AP1S3: variants seen among roughly 807,000 people sequenced by gnomAD.
AP1S3 encodes the protein AP-1 complex subunit sigma-3.
Under a neutral mutation model 20.9 loss-of-function variants are expected in AP1S3, and 10 were observed. That is an observed-to-expected ratio of 0.48 (90% confidence interval 0.29 to 0.81). AP1S3 has a LOEUF of 0.81. Ranked by LOEUF, AP1S3 falls within the 30% of genes least tolerant of loss-of-function variation. AP1S3 has a pLI of 0.08. For synonymous variants in AP1S3, 41 were observed against 61.5 expected (o/e 0.67, Z 1.56); for missense variants, 154 against 183.8 (o/e 0.84, Z 0.94).
chr2:223,783,876 T>C (rs1691014823), intron 1 of AP1S3, among the ~76,000 whole-genome samples: 1 of 152,188 alleles, frequency 6.6e-6, no homozygotes, highest in African/African-American at 2.4e-5. Flanking sequence ...CCTGTTACAG[T>C]ATGTTTAGGG....
At chr2:223,784,865 A>G (rs1041571472) in intron 1 of AP1S3, among the ~76,000 whole-genome samples, 2 of 152,078 alleles carry the variant, frequency 1.3e-5, no homozygotes, top group African/African-American at 2.4e-5. Context: ...AAAAATAAAT[A>G]AAATATTTCT....
Position 223,783,031 on chromosome 2 carries a change from G to C in AP1S3, c.4-5162C>G, listed in dbSNP as rs554943493. On this transcript the variant is annotated intron_variant, in intron 1 of 4. Transcript: ENST00000396654. ...CCATTTTTGATTAATATTCGCTTGAGAGTAGGAAAAAAAAGGCATGGGAAG... is the reference window on the plus strand; with the variant it reads ...CCATTTTTGATTAATATTCGCTTGACAGTAGGAAAAAAAAGGCATGGGAAG... Among the ~76,000 whole-genome samples, 7 of 152,146 alleles carry C rather than the reference G, an allele frequency of 4.6e-5. No homozygotes were observed. The South Asian group carries it at 1.2e-3, about 27-fold the overall frequency.
chr2:223,766,677 C>T (rs1342367656), intron 3 of AP1S3, among the ~76,000 whole-genome samples: 1 of 152,158 alleles, frequency 6.6e-6, no homozygotes, highest in African/African-American at 2.4e-5. Context: ...GCCAGAAATA[C>T]CATTTGACCC....
intron 3 of AP1S3, among the ~76,000 whole-genome samples, chr2:223,774,532 C>A (rs1188622236): frequency 6.6e-6 from 1 of 151,812 alleles, no homozygotes; most frequent in Non-Finnish European, 1.5e-5. Context: ...TGAAGGAATG[C>A]CACACCTATA....
At chr2:223,776,705 T>C (rs1690792797) in intron 2 of AP1S3, among the ~76,000 whole-genome samples, 2 of 152,174 alleles carry the variant, frequency 1.3e-5, no homozygotes, top group South Asian at 4.1e-4. Flanking sequence ...ATGTTACCTC[T>C]CAGGCTTAGT....
chr2:223,807,649 T>A (rs1007215563), intron 1 of AP1S3, among the ~76,000 whole-genome samples: 3 of 152,068 alleles, frequency 2.0e-5, no homozygotes, highest in African/African-American at 7.2e-5. Context: ...GAGGAAGTTA[T>A]CACGAGATCT....
At chr2:223,770,265 GCGTAGAC>G (rs772173561) in intron 3 of AP1S3, 1 of 1,550,592 alleles carries the variant, frequency 6.4e-7, no homozygotes, top group South Asian at 1.2e-5. Context: ...TTCAAGGCAG[GCGTAGAC>G]CAGGAATCCA....
chr2:223,811,451 C>T (rs1691724667), intron 1 of AP1S3, among the ~76,000 whole-genome samples: 2 of 151,880 alleles, frequency 1.3e-5, no homozygotes, highest in South Asian at 4.2e-4. Flanking sequence ...CACCTGTCAT[C>T]CCAGCTACTC....
At chr2:223,766,229 C>G (rs945232407) in intron 3 of AP1S3, among the ~76,000 whole-genome samples, 1 of 152,172 alleles carries the variant, frequency 6.6e-6, no homozygotes, top group Non-Finnish European at 1.5e-5. Context: ...TAAATGTCTT[C>G]TTTTGAGAAG....
intron 1 of AP1S3, among the ~76,000 whole-genome samples, chr2:223,799,449 C>T (rs1313823286): frequency 5.9e-5 from 9 of 152,182 alleles, no homozygotes; most frequent in Admixed American, 5.9e-4. Context: ...GTTTAGGCCA[C>T]CCAGCTCATG....
rs1690819570 is a variant in AP1S3, at chr2:223,777,680, G to C, written c.182+11C>G. 1 of 1,609,384 alleles carries C rather than the reference G, an allele frequency of 6.2e-7. No individual in the cohort carries two copies. The highest frequency in any genetic ancestry group is 1.3e-5 in the African/African-American group (1 of 74,700). ...GACTGAGAAATTGAGCTCTCAAAAA[G>C]TTACTCACACCTTTTATAAACAAGT... On this transcript the variant is annotated intron_variant, in intron 2 of 4. Transcript: ENST00000396654.
intron 1 of AP1S3, among the ~76,000 whole-genome samples, chr2:223,817,439 T>C (rs548259158): frequency 1.3e-5 from 2 of 151,500 alleles, no homozygotes; most frequent in Non-Finnish European, 2.9e-5. Context: ...AGAAACCCCG[T>C]CTCTACTAAA....
At chr2:223,792,562 T>C (rs1367100854) in intron 1 of AP1S3, among the ~76,000 whole-genome samples, 1 of 151,964 alleles carries the variant, frequency 6.6e-6, no homozygotes, top group African/African-American at 2.4e-5. Flanking sequence ...TTATACCATA[T>C]AAAAAATCAA....
chr2:223,789,941 A>G (rs545791850), intron 1 of AP1S3, among the ~76,000 whole-genome samples: 21 of 152,246 alleles, frequency 1.4e-4, no homozygotes, highest in African/African-American at 4.6e-4. Flanking sequence ...CAAAGAAAGA[A>G]TTCGAAATTT....
intron 1 of AP1S3, among the ~76,000 whole-genome samples, chr2:223,817,607 C>CAA (rs748661983): frequency 1.4e-4 from 11 of 81,194 alleles, no homozygotes; most frequent in South Asian, 4.0e-4. Context: ...GACTCCGTCT[C>CAA]AAAAAAAAAA....
intron 1 of AP1S3, among the ~76,000 whole-genome samples, chr2:223,821,245 T>G (rs1225399798): frequency 2.0e-5 from 3 of 152,170 alleles, no homozygotes; most frequent in Non-Finnish European, 4.4e-5. Flanking sequence ...AACCTCCACC[T>G]CCCAGATTCA....
intron 1 of AP1S3, among the ~76,000 whole-genome samples, chr2:223,814,865 C>A (rs531550543): frequency 5.9e-5 from 9 of 152,330 alleles, no homozygotes; most frequent in African/African-American, 2.2e-4. Flanking sequence ...CAGCCTCAAC[C>A]TCCTGGGCTC....
chr2:223,769,409 A>T (rs1331847517), intron 3 of AP1S3, among the ~76,000 whole-genome samples: 1 of 152,256 alleles, frequency 6.6e-6, no homozygotes, highest in Non-Finnish European at 1.5e-5. Flanking sequence ...TCGGATGAAT[A>T]TTAATTAAAC....
intron 1 of AP1S3, among the ~76,000 whole-genome samples, chr2:223,799,293 C>T (rs1365346304): frequency 2.6e-5 from 4 of 151,578 alleles, no homozygotes; most frequent in Middle Eastern, 3.4e-3. Flanking sequence ...GGTAATGCAA[C>T]TGAAGCAAAG....
Sources: gnomAD v4.1 joint callset for allele counts (sites outside exome capture counted in the v4.1 genomes callset) on GRCh38, gnomAD v4.1.1 for gene constraint, MANE v1.5 for transcripts, NCBI Gene and HGNC (gene_info 2026-07-23, HGNC 2026-07-21) for gene names.